Variants in THAP2 observed in about 807,000 individuals in gnomAD.
The protein encoded by THAP2 is THAP domain containing 2, also known as THAP domain-containing protein 2.
In THAP2, 16 loss-of-function variants were observed where a neutral mutation model predicts 18.8. The ratio of observed to expected loss-of-function variants is 0.85; its 90% CI spans 0.58 to 1.29. The LOEUF (loss-of-function observed/expected upper bound fraction) is 1.29. THAP2 is among the 50% of genes most tolerant of loss of function. THAP2 has a pLI of 0.00. For missense variants in THAP2, 251 were observed against 265.3 expected (o/e 0.95, Z 0.38); for synonymous variants, 80 against 89.2 (o/e 0.90, Z 0.58).
rs1158995703 is a variant in THAP2 at position 71,677,136 on chromosome 12, A to G, written c.*28A>G. On this transcript the variant is annotated 3_prime_UTR_variant, in exon 3 of 3. Transcript: ENST00000308086. ...TTAGCTTGCACAGAGCTTGATGCCT[A>G]TCCTTCATTCTTTTCAGAAGTAAAG... 2 of 1,502,972 alleles carry G rather than the reference A, an allele frequency of 1.3e-6. No homozygotes were observed. Among genetic ancestry groups the G allele is most frequent in the Admixed American group, 2.3e-5 (1 of 43,794 alleles). 93.1% of individuals were successfully genotyped at this position (1,502,972 alleles called of 1,614,324 possible).
chr12:71,676,438 T>G (rs1881521054), intron 2 of THAP2, among the ~76,000 whole-genome samples: 1 of 152,066 alleles, frequency 6.6e-6, no homozygotes, highest in African/African-American at 2.4e-5. Context: ...GGACGTCCAT[T>G]GTCTATTTCC....
Position 71,676,906 on chromosome 12 carries a change from C to G in THAP2, c.485C>G (p.Ala162Gly), listed in dbSNP as rs547978909. The G allele has an allele frequency of 6.2e-7, 1 of 1,613,670 alleles. No homozygotes were observed. Among genetic ancestry groups the G allele is most frequent in the African/African-American group, 1.3e-5 (1 of 75,002 alleles). The change falls in exon 3 of 3, where the codon GCA becomes GGA. Residue 162 changes from alanine to glycine, a missense_variant. Ala to Gly is a moderately conservative substitution (Grantham distance 60). Coordinates refer to ENST00000308086, the MANE Select transcript of THAP2 (RefSeq NM_031435.4). Reference sequence around the variant, plus strand: ...ACTTGCCTACAAAAGGAACGCAGAGCAACTCGAAGATGGATCAAAGCCACG... The same window carrying G: ...ACTTGCCTACAAAAGGAACGCAGAGGAACTCGAAGATGGATCAAAGCCACG... Reference protein sequence around the residue: ...MKTCLQKERRATRRWIKATCL... With the variant: ...MKTCLQKERRGTRRWIKATCL...
chr12:71,666,949 G>T (rs1452146493), intron 1 of THAP2, among the ~76,000 whole-genome samples: 1 of 152,182 alleles, frequency 6.6e-6, no homozygotes, highest in Non-Finnish European at 1.5e-5. Flanking sequence ...GGCCAGGCTG[G>T]TCTCGAACTC....
At chr12:71,668,588 G>A (rs971126785) in intron 1 of THAP2, among the ~76,000 whole-genome samples, 2 of 152,296 alleles carry the variant, frequency 1.3e-5, no homozygotes, top group African/African-American at 4.8e-5. Context: ...ATTGCATCCA[G>A]CTATTTGATT....
intron 1 of THAP2, among the ~76,000 whole-genome samples, chr12:71,670,812 G>T (rs980458060): frequency 6.6e-6 from 1 of 151,294 alleles, no homozygotes; most frequent in African/African-American, 2.4e-5. Flanking sequence ...GGTGGCAGGC[G>T]CCTGTAATCC....
At chr12:71,667,399 T>A (rs1160301916) in intron 1 of THAP2, 1 of 152,202 alleles carries the variant, frequency 6.6e-6, no homozygotes, top group East Asian at 1.9e-4. Flanking sequence ...GTATCTCCAG[T>A]CCATCTCTGT....
intron 1 of THAP2, among the ~76,000 whole-genome samples, chr12:71,668,792 C>A (rs1881386023): frequency 6.6e-6 from 1 of 152,126 alleles, no homozygotes. Context: ...TTATAAGAGC[C>A]TGGTTCTATT....
intron 1 of THAP2, 38 bp downstream of exon 1, chr12:71,664,618 G>A (rs1481651976): frequency 1.2e-6 from 2 of 1,609,042 alleles, no homozygotes; most frequent in Admixed American, 3.3e-5. Flanking sequence ...GGAAACTGGA[G>A]TTCCTATTGT....
At position 71,676,230 on chromosome 12, in the gene THAP2, C is replaced by A. The variant is rs12313941; in HGVS notation, c.268-459C>A. Among the ~76,000 whole-genome samples the A allele has an allele frequency of 2.2e-3, 338 of 152,106 alleles. 2 individuals carry two copies. Among genetic ancestry groups the A allele is most frequent in the African/African-American group, 7.8e-3 (324 of 41,524 alleles). On this transcript the variant is annotated intron_variant, in intron 2 of 2. Transcript: ENST00000308086. ...AAGCTTGGTACTTAAGAATACATTT[C>A]TACAGATCCTTCAGTTTTCATTAAA...
chr12:71,665,177 G>A (rs541474659), intron 1 of THAP2: 9 of 531,324 alleles, frequency 1.7e-5, no homozygotes, highest in African/African-American at 1.5e-4. Context: ...AAATTCTTTA[G>A]TTCTGTCAAA....
In THAP2 at chr12:71,664,453, C is replaced by CT. The variant is rs1225001675; in HGVS notation, c.-55dup. ...TTGTCCAGCCTCTGCCAGAAGAAAGCTTAGCAGCCAGCGCCTCAGTAGAGA... is the reference window on the plus strand; with the variant it reads ...TTGTCCAGCCTCTGCCAGAAGAAAGCTTTAGCAGCCAGCGCCTCAGTAGAGA... On this transcript the variant is annotated 5_prime_UTR_variant, in exon 1 of 3. Coordinates refer to ENST00000308086, the MANE Select transcript of THAP2 (RefSeq NM_031435.4). The CT allele has an allele frequency of 7.5e-6, 12 of 1,598,844 alleles. No homozygotes were observed. The highest frequency in any genetic ancestry group is 1.3e-5 in the African/African-American group (1 of 74,702).
intron 1 of THAP2, among the ~76,000 whole-genome samples, chr12:71,667,265 G>T (rs1881359657): frequency 6.6e-6 from 1 of 151,728 alleles, no homozygotes. Flanking sequence ...GACTTTTTTG[G>T]CCTGTCTTCA....
chr12:71,664,664 G>A (rs1230820699), intron 1 of THAP2, 84 bp downstream of exon 1: 2 of 1,496,636 alleles, frequency 1.3e-6, no homozygotes, highest in African/African-American at 2.8e-5. Context: ...GGAGGATTCT[G>A]CTAATTCTAA....
chr12:71,664,949 C>T, intron 1 of THAP2: 1 of 702,258 alleles, frequency 1.4e-6, no homozygotes, highest in Non-Finnish European at 2.6e-6. Context: ...CTGCTGTGTT[C>T]CCGTTAAAAT....
intron 1 of THAP2, among the ~76,000 whole-genome samples, chr12:71,670,767 C>T (rs1237980352): frequency 6.6e-6 from 1 of 151,484 alleles, no homozygotes; most frequent in Non-Finnish European, 1.5e-5. Flanking sequence ...GGTGAAACCC[C>T]GTCTCTATTA....
In THAP2 at chr12:71,674,729, CAT is replaced by C. The variant is rs1314683460; in HGVS notation, c.267+332_267+333del. On this transcript the variant is annotated intron_variant, in intron 2 of 2. Coordinates refer to ENST00000308086, the MANE Select transcript of THAP2 (RefSeq NM_031435.4). Reference sequence around the variant, plus strand: ...TGATTTTAAAATGACATACAAATAACATGTGCAAAGTACTTTAAGAGCACACA... The same window carrying C: ...TGATTTTAAAATGACATACAAATAACGTGCAAAGTACTTTAAGAGCACACA... Among the ~76,000 whole-genome samples, 5 of 152,052 alleles carry C rather than the reference CAT, an allele frequency of 3.3e-5. No homozygotes were observed. The South Asian group carries it at 6.2e-4, about 19-fold the overall frequency.
At chr12:71,666,524 A>G (rs1881345674) in intron 1 of THAP2, among the ~76,000 whole-genome samples, 1 of 152,114 alleles carries the variant, frequency 6.6e-6, no homozygotes. Context: ...AGAAAAAACA[A>G]AAAACAAAAC....
rs1388490522 is a variant in THAP2, at chr12:71,678,469, A to C, written c.*1361A>C. ...CTTGAACAATTAAAGGGTTTGCTTT[A>C]TTTCACTAATGTTTAATAGGAACCC... On this transcript the variant is annotated 3_prime_UTR_variant, in exon 3 of 3. Coordinates refer to ENST00000308086, the MANE Select transcript of THAP2 (RefSeq NM_031435.4). 6.6e-6 allele frequency: 1 copy of C among 152,614 alleles called. No homozygotes were observed. Among genetic ancestry groups the C allele is most frequent in the East Asian group, 1.9e-4 (1 of 5,196 alleles). 9.5% of individuals were successfully genotyped at this position (152,614 alleles called of 1,614,324 possible).
chr12:71,670,936 CAAAAA>C lies in THAP2; in HGVS notation c.72-3252_72-3248del, dbSNP rs35547227. ...CTGGGCAACAAGAGCAAAACTGTCT[CAAAAA>C]AAAAAAAAAAAAAATTAAGAGAAAA... On this transcript the variant is annotated intron_variant, in intron 1 of 2. Transcript: ENST00000308086. Among the ~76,000 whole-genome samples, 7 of 98,952 alleles carry C rather than the reference CAAAAA, an allele frequency of 7.1e-5. 1 individual carries two copies. In the South Asian group the frequency reaches 1.8e-3, roughly 26 times the overall value. 64.9% of individuals were successfully genotyped at this position (98,952 alleles called of 152,430 possible). A position where few individuals can be genotyped will look rare whatever the true frequency, so the allele number is the denominator to read the frequency against.
Sources: allele counts gnomAD v4.1 joint callset (sites outside exome capture counted in the v4.1 genomes callset), GRCh38; gene constraint gnomAD v4.1.1; transcripts MANE v1.5; gene names NCBI Gene and HGNC (gene_info 2026-07-23, HGNC 2026-07-21).